Variants in SLC25A26 observed in about 807,000 individuals in gnomAD.
SLC25A26 encodes the protein solute carrier family 25 member 26, also known as mitochondrial S-adenosylmethionine carrier protein.
Under a neutral mutation model 37.8 loss-of-function variants are expected in SLC25A26, and 36 were observed. That is an observed-to-expected ratio of 0.95 (90% confidence interval 0.73 to 1.26). SLC25A26 has a LOEUF of 1.26. Among genes scored for constraint, SLC25A26 ranks in the 50% most tolerant of loss-of-function variants. The probability of loss-of-function intolerance (pLI) is 0.00; values close to 1 mark genes in which losing one functional copy is unlikely to be tolerated. For synonymous variants in SLC25A26, 129 were observed against 122.5 expected, an observed-to-expected ratio of 1.05 and a Z score of -0.35; for missense variants, 390 against 331.1, an observed-to-expected ratio of 1.18 and a Z score of -1.38.
chr3:66,173,996 T>C (rs1435256033), intron 1 of SLC25A26, among the ~76,000 whole-genome samples: 1 of 151,526 alleles, frequency 6.6e-6, no homozygotes, highest in Non-Finnish European at 1.5e-5. Flanking sequence ...GAGGTTGCAG[T>C]GAGCCGAGAT....
chr3:66,346,458 T>A, intron 6 of SLC25A26, 50 bp downstream of exon 6: 2 of 1,005,748 alleles, frequency 2.0e-6, no homozygotes, highest in South Asian at 1.8e-5. Flanking sequence ...ATAACATACC[T>A]AATAGTTTGA....
rs561053057 is a variant in SLC25A26 at position 66,267,589 on chromosome 3, G to A, written c.453+4210G>A. ...TGAAGGTGAGAAGCTGGTTGGAGCT[G>A]TCCCAATGGCAAGATGTAGCCATTT... On this transcript the variant is annotated intron_variant, in intron 5 of 9. Coordinates refer to ENST00000354883, the MANE Select transcript of SLC25A26 (RefSeq NM_001379210.1). 2.0e-5 allele frequency among the ~76,000 whole-genome samples: 3 copies of A among 152,292 alleles called. No homozygotes were observed. In the South Asian group the frequency reaches 6.2e-4, roughly 32 times the overall value.
chr3:66,184,233 C>T (rs888908679), intron 1 of SLC25A26, among the ~76,000 whole-genome samples: 1 of 152,080 alleles, frequency 6.6e-6, no homozygotes, highest in African/African-American at 2.4e-5. Flanking sequence ...GTCTCTGACA[C>T]TGACTTTCAC....
At chr3:66,282,272 A>G (rs1576788180) in intron 5 of SLC25A26, among the ~76,000 whole-genome samples, 3 of 151,934 alleles carry the variant, frequency 2.0e-5, no homozygotes, top group Admixed American at 2.0e-4. Context: ...CGGCCTCCCA[A>G]AGTGCTGGGA....
chr3:66,282,670 C>T (rs1177916100), intron 5 of SLC25A26, among the ~76,000 whole-genome samples: 2 of 152,144 alleles, frequency 1.3e-5, no homozygotes, highest in Non-Finnish European at 2.9e-5. Flanking sequence ...CATATATTTA[C>T]ATCAGGCAAG....
At chr3:66,365,403 C>T (rs2076802840) in intron 7 of SLC25A26, among the ~76,000 whole-genome samples, 3 of 152,204 alleles carry the variant, frequency 2.0e-5, no homozygotes, top group South Asian at 2.1e-4. Flanking sequence ...TTGTCATGCA[C>T]AGAAATTCCC....
intron 5 of SLC25A26, chr3:66,324,144 T>G (rs1183848117): frequency 6.8e-6 from 1 of 146,304 alleles, no homozygotes; most frequent in African/African-American, 2.6e-5. Flanking sequence ...GAAAAAAAAG[T>G]GTGTCTTTAA....
intron 8 of SLC25A26, among the ~76,000 whole-genome samples, chr3:66,370,158 A>C (rs1452548840): frequency 6.6e-6 from 1 of 152,232 alleles, no homozygotes; most frequent in African/African-American, 2.4e-5. Context: ...ACGGCACTCT[A>C]TTAAATATGC....
At position 66,241,643 on chromosome 3, in the gene SLC25A26, A is replaced by G. The variant is rs1425621531; in HGVS notation, c.191-1560A>G. Among the ~76,000 whole-genome samples the G allele has an allele frequency of 2.6e-5, 4 of 152,342 alleles. No individual in the cohort carries two copies. The South Asian group carries it at 6.2e-4, about 24-fold the overall frequency. The stretch of plus-strand genomic sequence containing the variant: ...GGAAAAGTCAGAGTACCAGGGTTCA[A>G]AAATAGCCTTGTTTTACTGCCAAGT... On this transcript the variant is annotated intron_variant, in intron 2 of 9. Transcript: ENST00000354883.
At chr3:66,192,466 C>T (rs2070964957) in intron 1 of SLC25A26, among the ~76,000 whole-genome samples, 1 of 152,142 alleles carries the variant, frequency 6.6e-6, no homozygotes, top group South Asian at 2.1e-4. Context: ...TGATTTTGGA[C>T]TTCCCAGCCT....
chr3:66,208,677 T>C (rs925829807), intron 1 of SLC25A26, among the ~76,000 whole-genome samples: 1,589 of 144,752 alleles, frequency 0.011, 55 homozygotes, highest in African/African-American at 0.038. Context: ...TATATATATA[T>C]ACACATTTAT....
Position 66,377,855 on chromosome 3 carries a change from G to C in SLC25A26, c.*48G>C, listed in dbSNP as rs754240689. On this transcript the variant is annotated 3_prime_UTR_variant, in exon 10 of 10. Coordinates refer to ENST00000354883, the MANE Select transcript of SLC25A26 (RefSeq NM_001379210.1). ...ACTTCTGTCAAGAGAGGGGCCTGCA[G>C]TGCAAACCCTCTTCCGCTGAGCAGC... is the stretch of plus-strand genomic sequence containing the variant. The C allele has an allele frequency of 1.1e-5, 15 of 1,394,808 alleles. 1 individual carries two copies. Among genetic ancestry groups the C allele is most frequent in the South Asian group, 6.9e-5 (6 of 86,646 alleles). 86.4% of individuals were successfully genotyped at this position (1,394,808 alleles called of 1,614,324 possible).
intron 5 of SLC25A26, among the ~76,000 whole-genome samples, chr3:66,315,011 T>G (rs1267403488): frequency 2.0e-5 from 3 of 151,848 alleles, no homozygotes; most frequent in African/African-American, 7.2e-5. Flanking sequence ...GATTCTTTTC[T>G]TCTTTATTAG....
At chr3:66,287,624 G>T (rs1576799607) in intron 5 of SLC25A26, among the ~76,000 whole-genome samples, 1 of 152,156 alleles carries the variant, frequency 6.6e-6, no homozygotes, top group Non-Finnish European at 1.5e-5. Flanking sequence ...TTATCATGTA[G>T]TAAAAATAAT....
intron 5 of SLC25A26, among the ~76,000 whole-genome samples, chr3:66,316,021 G>T (rs576246019): frequency 5.9e-4 from 90 of 152,250 alleles, no homozygotes; most frequent in African/African-American, 2.1e-3. Context: ...CATGTGAGAT[G>T]GGTCTCTTGA....
At chr3:66,240,625 A>G (rs143275256) in intron 2 of SLC25A26, among the ~76,000 whole-genome samples, 20,888 of 151,906 alleles carry the variant, frequency 0.14, 1,622 homozygotes, top group East Asian at 0.31. Context: ...GATGTGCTAT[A>G]TGGTTTGTGT....
At position 66,377,762 on chromosome 3, in the gene SLC25A26, C is replaced by G. The variant is rs901043314; in HGVS notation, c.780C>G (p.Asp260Glu). The G allele has an allele frequency of 1.9e-6, 3 of 1,613,742 alleles. No homozygotes were observed. Among genetic ancestry groups the G allele is most frequent in the African/African-American group, 2.7e-5 (2 of 74,850 alleles). The change falls in exon 10 of 10, where the codon GAC becomes GAG. Residue 260 changes from aspartate to glutamate, a missense_variant. Coordinates refer to ENST00000354883, the MANE Select transcript of SLC25A26 (RefSeq NM_001379210.1). Reference sequence around the variant, plus strand: ...GTTTCATCTTTCTGGGGGCTTATGACCGAACGCACAGCTTGCTGTTGGAAG... The same window carrying G: ...GTTTCATCTTTCTGGGGGCTTATGAGCGAACGCACAGCTTGCTGTTGGAAG... Reference protein sequence around the residue: ...LGGFIFLGAYDRTHSLLLEVG... With the variant: ...LGGFIFLGAYERTHSLLLEVG...
chr3:66,143,751 G>A lies in SLC25A26; in HGVS notation c.-354+9767G>A, dbSNP rs150717557. Reference sequence around the variant, plus strand: ...ATACAAAAATTAGCTGGGGGTGGTGGTACACACCTGTAGTCCCAGCTATTC... The same window carrying A: ...ATACAAAAATTAGCTGGGGGTGGTGATACACACCTGTAGTCCCAGCTATTC... On this transcript the variant is annotated intron_variant, in intron 1 of 10. Coordinates refer to the SLC25A26 transcript ENST00000676754. 5.4e-3 allele frequency among the ~76,000 whole-genome samples: 817 copies of A among 152,216 alleles called. 4 individuals are homozygous for A. Among genetic ancestry groups the A allele is most frequent in the Non-Finnish European group, 9.2e-3 (627 of 68,012 alleles).
rs62246870 is a variant in SLC25A26 at position 66,244,909 on chromosome 3, A to G, written c.300+1597A>G. Among the ~76,000 whole-genome samples the G allele has an allele frequency of 2.8e-3, 422 of 152,242 alleles. 3 individuals are homozygous for G. The highest frequency in any genetic ancestry group is 9.5e-3 in the African/African-American group (393 of 41,562). Reference sequence around the variant, plus strand: ...GGAGAATGGCATGAACCCGGGAGGCAGAGCTTGCAGTGAGCCGAGATCAAG... The same window carrying G: ...GGAGAATGGCATGAACCCGGGAGGCGGAGCTTGCAGTGAGCCGAGATCAAG... On this transcript the variant is annotated intron_variant, in intron 3 of 9. Coordinates refer to ENST00000354883, the MANE Select transcript of SLC25A26 (RefSeq NM_001379210.1).
Sources: allele counts gnomAD v4.1 joint callset (sites outside exome capture counted in the v4.1 genomes callset), GRCh38; gene constraint gnomAD v4.1.1; transcripts MANE v1.5; gene names NCBI Gene and HGNC (gene_info 2026-07-23, HGNC 2026-07-21).